Variants in SLC9A3 observed in about 807,000 individuals in gnomAD.
SLC9A3 encodes sodium/hydrogen exchanger 3.
Under a neutral mutation model 86.8 loss-of-function variants are expected in SLC9A3, and 37 were observed. The observed-to-expected ratio is 0.43, with a 90% CI of 0.33 to 0.56. SLC9A3 has a LOEUF of 0.56. Among genes scored for constraint, SLC9A3 ranks in the 20% least tolerant of loss-of-function variants. The pLI, the probability that SLC9A3 is intolerant of heterozygous loss-of-function variation, is 0.06. For synonymous variants in SLC9A3, 581 were observed against 528.3 expected (o/e 1.10, Z -1.37); for missense variants, 1,011 against 1,171.9 (o/e 0.86, Z 2.00).
At position 472,416 on chromosome 5, in the gene SLC9A3, A is replaced by G. The variant is rs1415572551; in HGVS notation, c.*963T>C. The stretch of plus-strand genomic sequence containing the variant: ...GAGCAGCTGCTGGGCCCCACCATCC[A>G]CTTAAGGACTGGCCGTGATTCTTGG... On this transcript the variant is annotated 3_prime_UTR_variant, in exon 17 of 17. Coordinates refer to ENST00000264938, the MANE Select transcript of SLC9A3 (RefSeq NM_004174.4). The G allele has an allele frequency of 1.5e-5, 5 of 331,572 alleles. No homozygotes were observed. Among genetic ancestry groups the G allele is most frequent in the Non-Finnish European group, 2.4e-5 (4 of 169,428 alleles). The allele number at this position is 331,572 out of a possible 1,614,324, so 20.5% of individuals were successfully genotyped here. A position where few individuals can be genotyped will look rare whatever the true frequency, so the allele number is the denominator to read the frequency against.
chr5:492,043 G>A lies in SLC9A3; in HGVS notation c.240C>T (p.Ser80=), dbSNP rs969509137. The A allele has an allele frequency of 5.8e-6, 9 of 1,547,756 alleles. No homozygotes were observed. The highest frequency in any genetic ancestry group is 4.7e-5 in the East Asian group (2 of 42,906). Residue 80 remains serine, a synonymous_variant, in exon 2 of 17, where the codon AGC becomes AGT. Coordinates refer to ENST00000264938, the MANE Select transcript of SLC9A3 (RefSeq NM_004174.4). ...IGFHLSHKVT[S]VVPESALLIV... is the part of the protein sequence containing the mutation. ...TGAGCAGGGCGCTCTCGGGAACCAC[G>A]CTGGTGACCTTGTGGGACAGGTGGA...
chr5:510,573 C>T (rs748569244), intron 1 of SLC9A3, among the ~76,000 whole-genome samples: 2 of 152,206 alleles, frequency 1.3e-5, no homozygotes, highest in Non-Finnish European at 2.9e-5. Flanking sequence ...AGATGAGGCC[C>T]ATGGATGCAT....
intron 10 of SLC9A3, chr5:479,599 C>A (rs1264420219): frequency 1.9e-6 from 1 of 517,264 alleles, no homozygotes; most frequent in Non-Finnish European, 3.5e-6. Context: ...AGGACCTGAC[C>A]TCAGCGCTCA....
intron 1 of SLC9A3, among the ~76,000 whole-genome samples, chr5:508,738 A>G (rs1339314923): frequency 6.6e-6 from 1 of 152,238 alleles, no homozygotes. Flanking sequence ...CAAGGACATT[A>G]GAGAGGAAGA....
chr5:500,324 C>A (rs75210325), intron 1 of SLC9A3, among the ~76,000 whole-genome samples: 2,459 of 152,344 alleles, frequency 0.016, 55 homozygotes, highest in African/African-American at 0.056. Context: ...GGACACGCCA[C>A]GAGGCTCCCC....
intron 9 of SLC9A3, among the ~76,000 whole-genome samples, chr5:481,264 C>T (rs987881438): frequency 6.6e-6 from 1 of 152,206 alleles, no homozygotes; most frequent in Non-Finnish European, 1.5e-5. Flanking sequence ...ATTTTCAATT[C>T]CTACATAACA....
Position 491,764 on chromosome 5 carries a change from C to G in SLC9A3, c.514+5G>C. On this transcript the variant is annotated splice_donor_5th_base_variant and intron_variant, in intron 2 of 16. Coordinates refer to ENST00000264938, the MANE Select transcript of SLC9A3 (RefSeq NM_004174.4). The surrounding 1 kb of genome is among the most constrained non-coding windows in gnomAD (Gnocchi z 9.2). Reference sequence around the variant, plus strand: ...CCGGCCGGGGCAACAGTGGCGCAGACTCACCCATGAGCCCACTGAGGAAGA... The same window carrying G: ...CCGGCCGGGGCAACAGTGGCGCAGAGTCACCCATGAGCCCACTGAGGAAGA... 6.6e-7 allele frequency: 1 copy of G among 1,525,854 alleles called. No homozygotes were observed. The highest frequency in any genetic ancestry group is 8.9e-7 in the Non-Finnish European group (1 of 1,129,362). The allele number at this position is 1,525,854 out of a possible 1,614,324, so 94.5% of individuals were successfully genotyped here.
At position 475,628 on chromosome 5, in the gene SLC9A3, C is replaced by T. The variant is rs1045515052; in HGVS notation, c.2184G>A (p.Glu728=). The T allele has an allele frequency of 6.4e-7, 1 of 1,552,380 alleles. No homozygotes were observed. Among genetic ancestry groups the T allele is most frequent in the Non-Finnish European group, 8.7e-7 (1 of 1,147,116 alleles). Residue 728 remains glutamate, a synonymous_variant, in exon 15 of 17, where the codon GAG becomes GAA. Coordinates refer to ENST00000264938, the MANE Select transcript of SLC9A3 (RefSeq NM_004174.4). ...GGAACTCGATCCCCCCACTCATCTC[C>T]TCATCATAGTTGGGGGGCTCCTCGG... ...SDTEEPPNYD[E]EMSGGIEFLA...
At chr5:512,903 T>G (rs1733600252) in intron 1 of SLC9A3, among the ~76,000 whole-genome samples, 1 of 152,166 alleles carries the variant, frequency 6.6e-6, no homozygotes, top group Non-Finnish European at 1.5e-5. Flanking sequence ...CTATCAATTC[T>G]GACTCCACGG....
At position 488,413 on chromosome 5, in the gene SLC9A3, G is replaced by A. The variant is rs1291055288; in HGVS notation, c.578C>T (p.Pro193Leu). 7.5e-6 allele frequency: 12 copies of A among 1,607,388 alleles called. No individual in the cohort carries two copies. Among genetic ancestry groups the A allele is most frequent in the Non-Finnish European group, 9.3e-6 (11 of 1,176,998 alleles). Reference protein sequence around the residue: ...LFGSLMAAVDPVAVLAVFEEV... With the variant: ...LFGSLMAAVDLVAVLAVFEEV... Reference sequence around the variant, plus strand: ...CTCAAACACGGCCAGGACGGCCACCGGGTCCACAGCCGCCATGAGGCTGCC... The same window carrying A: ...CTCAAACACGGCCAGGACGGCCACCAGGTCCACAGCCGCCATGAGGCTGCC... Residue 193 changes from proline (P) to leucine (L), a missense_variant, in exon 3 of 17, where the codon CCG becomes CTG. Physicochemically the swap from Pro to Leu is moderately conservative, Grantham distance 98. This residue lies in a region of SLC9A3 where 565 missense variants were observed against 790.0 expected (regional missense o/e 0.72). Transcript: ENST00000264938.
intron 1 of SLC9A3, among the ~76,000 whole-genome samples, chr5:505,807 G>A (rs867427968): frequency 3.7e-5 from 5 of 136,318 alleles, no homozygotes; most frequent in African/African-American, 5.6e-5. Flanking sequence ...GTGACCATGT[G>A]GGGGGAGAGT....
rs902156960 is a variant in SLC9A3, at chr5:471,790, C to T, written c.*1589G>A. 4.4e-6 allele frequency: 2 copies of T among 456,488 alleles called. No individual in the cohort carries two copies. The highest frequency in any genetic ancestry group is 4.0e-5 in the African/African-American group (2 of 50,190). The allele number at this position is 456,488 out of a possible 1,614,324, so 28.3% of individuals were successfully genotyped here. A position where few individuals can be genotyped will look rare whatever the true frequency, so the allele number is the denominator to read the frequency against. ...AGGGTCGAGAGCTTCTCCGAAGCAG[C>T]GGTCATGCAGGCTTTTGTGTGGCTG... On this transcript the variant is annotated 3_prime_UTR_variant, in exon 17 of 17. Coordinates refer to ENST00000264938, the MANE Select transcript of SLC9A3 (RefSeq NM_004174.4).
In SLC9A3 at chr5:474,690, G is replaced by GCGGGAGGCCCGGGAGCGTTACATGTGTGT. The variant is rs1560947094; in HGVS notation, c.2501+192_2501+193insACACACATGTAACGCTCCCGGGCCTCCCG. Among the ~76,000 whole-genome samples, 110 of 28,108 alleles carry GCGGGAGGCCCGGGAGCGTTACATGTGTGT rather than the reference G, an allele frequency of 3.9e-3. 6 individuals carry two copies. Among genetic ancestry groups the GCGGGAGGCCCGGGAGCGTTACATGTGTGT allele is most frequent in the African/African-American group, 6.7e-3 (30 of 4,448 alleles). The allele number at this position is 28,108 out of a possible 152,430, so 18.4% of individuals were successfully genotyped here. A position where few individuals can be genotyped will look rare whatever the true frequency, so the allele number is the denominator to read the frequency against. ...AGGAGCTGCGGAGAGGGGTTAGGCG[G>GCGGGAGGCCCGGGAGCGTTACATGTGTGT]GGAGAGAGAGAGCGAGCCAGGTTCA... On this transcript the variant is annotated intron_variant, in intron 16 of 16. Coordinates refer to ENST00000264938, the MANE Select transcript of SLC9A3 (RefSeq NM_004174.4).
At position 496,249 on chromosome 5, in the gene SLC9A3, A is replaced by G. The variant is rs187988488; in HGVS notation, c.212-4178T>C. ...GGTGGCGTCCGAGGGCAGCTCCTGCAGTCTTCAGGGTGTGTGTGTGTTGAG... is the reference window on the plus strand; with the variant it reads ...GGTGGCGTCCGAGGGCAGCTCCTGCGGTCTTCAGGGTGTGTGTGTGTTGAG... On this transcript the variant is annotated intron_variant, in intron 1 of 16. Coordinates refer to ENST00000264938, the MANE Select transcript of SLC9A3 (RefSeq NM_004174.4). The surrounding 1 kb of genome is among the most constrained non-coding windows in gnomAD (Gnocchi z 4.7). Among the ~76,000 whole-genome samples the G allele has an allele frequency of 1.3e-5, 2 of 152,218 alleles. No individual in the cohort carries two copies. Among genetic ancestry groups the G allele is most frequent in the African/African-American group, 4.8e-5 (2 of 41,446 alleles).
intron 1 of SLC9A3, among the ~76,000 whole-genome samples, chr5:493,148 G>C (rs763078336): frequency 6.6e-6 from 1 of 151,394 alleles, no homozygotes; most frequent in Non-Finnish European, 1.5e-5. Flanking sequence ...GAATTCCTGC[G>C]CTCGGCCTGA....
Position 502,929 on chromosome 5 carries a change from G to A in SLC9A3, c.212-10858C>T, listed in dbSNP as rs953692978. 2.0e-5 allele frequency among the ~76,000 whole-genome samples: 3 copies of A among 152,032 alleles called. No homozygotes were observed. The South Asian group carries it at 6.2e-4, about 32-fold the overall frequency. ...AGCCGCCGTAACGACACAGATGGGC[G>A]CTGTGTTCCAGTGAAACTTTACCAC... is the stretch of plus-strand genomic sequence containing the variant. On this transcript the variant is annotated intron_variant, in intron 1 of 16. Transcript: ENST00000264938.
intron 1 of SLC9A3, among the ~76,000 whole-genome samples, chr5:501,438 G>A (rs757509106): frequency 1.1e-4 from 17 of 152,238 alleles, no homozygotes; most frequent in Admixed American, 7.2e-4. Context: ...CTGGCTGAGC[G>A]GTGGGGCGGT....
In SLC9A3 at chr5:472,343, G is replaced by A. The variant is rs1738405871; in HGVS notation, c.*1036C>T. On this transcript the variant is annotated 3_prime_UTR_variant, in exon 17 of 17. Coordinates refer to ENST00000264938, the MANE Select transcript of SLC9A3 (RefSeq NM_004174.4). ...TTGGAGGGCCTGAGCCTGGTAGGGGGGCGGTGCCCTGGGCCCCTCCATGCC... is the reference window on the plus strand; with the variant it reads ...TTGGAGGGCCTGAGCCTGGTAGGGGAGCGGTGCCCTGGGCCCCTCCATGCC... The A allele has an allele frequency of 3.0e-6, 1 of 335,552 alleles. No homozygotes were observed. Among genetic ancestry groups the A allele is most frequent in the Non-Finnish European group, 5.8e-6 (1 of 172,018 alleles). 20.8% of individuals were successfully genotyped at this position (335,552 alleles called of 1,614,324 possible).
rs139334981 is a variant in SLC9A3 at position 485,205 on chromosome 5, G to A, written c.702C>T (p.Phe234=). Residue 234 remains phenylalanine, a synonymous_variant, in exon 4 of 17, where the codon TTC becomes TTT. Transcript: ENST00000264938. ...TCACGTTGTCACCTCCCAGCGCCAC[G>A]AAAGATTCAAACACATTGTACAGAA... The part of the protein sequence containing the change: ...TVVLYNVFES[F]VALGGDNVTG... 7.0e-5 allele frequency: 113 copies of A among 1,613,890 alleles called. No individual in the cohort carries two copies. Among genetic ancestry groups the A allele is most frequent in the Non-Finnish European group, 8.2e-5 (97 of 1,179,978 alleles).
Sources: allele counts gnomAD v4.1 joint callset (sites outside exome capture counted in the v4.1 genomes callset), GRCh38; gene constraint gnomAD v4.1.1; regional missense constraint gnomAD v4.1.1; non-coding constraint Gnocchi (gnomAD v3.1); transcripts MANE v1.5; gene names NCBI Gene and HGNC (gene_info 2026-07-23, HGNC 2026-07-21).